The following NR2F1-AS1 variants were observed in gnomAD, a reference collection of about 807,000 sequenced individuals.
NR2F1-AS1 encodes the protein NR2F1 regulatory antisense RNA 1.
intron 4 of NR2F1-AS1, among the ~76,000 whole-genome samples, chr5:93,457,575 C>T (rs1749979505): frequency 6.6e-5 from 10 of 152,086 alleles, no homozygotes; most frequent in Admixed American, 6.5e-4. Context: ...TTCTCTTCCC[C>T]ACATTTCCCC....
At chr5:93,516,685 CCCAGATGTTCTGA>C (rs1275692562) in intron 4 of NR2F1-AS1, among the ~76,000 whole-genome samples, 2 of 151,796 alleles carry the variant, frequency 1.3e-5, no homozygotes, top group African/African-American at 4.8e-5. Context: ...AAGACCGTAA[CCCAGATGTTCTGA>C]CTCTTCATCT....
At chr5:93,578,469 A>G (rs1752945608) in intron 1 of NR2F1-AS1, among the ~76,000 whole-genome samples, 1 of 152,070 alleles carries the variant, frequency 6.6e-6, no homozygotes, top group African/African-American at 2.4e-5. Flanking sequence ...CAGAGGAAGG[A>G]AGGGAGGCTC....
chr5:93,509,663 G>A (rs1751256170), intron 4 of NR2F1-AS1, among the ~76,000 whole-genome samples: 1 of 151,784 alleles, frequency 6.6e-6, no homozygotes, highest in African/African-American at 2.4e-5. Context: ...TAAATATAAA[G>A]CAAACATGTC....
chr5:93,570,753 G>T (rs1040037933), intron 1 of NR2F1-AS1: 1 of 152,246 alleles, frequency 6.6e-6, no homozygotes, highest in Non-Finnish European at 1.5e-5. Flanking sequence ...CAGATACCGC[G>T]GCCCGGGCCC....
chr5:93,562,906 G>A (rs1383273090), intron 2 of NR2F1-AS1, among the ~76,000 whole-genome samples: 2 of 152,076 alleles, frequency 1.3e-5, no homozygotes, highest in African/African-American at 4.8e-5. Flanking sequence ...ATCAAATACA[G>A]AAAAATCTTA....
intron 4 of NR2F1-AS1, among the ~76,000 whole-genome samples, chr5:93,552,841 T>C (rs559017673): frequency 8.5e-5 from 13 of 152,264 alleles, no homozygotes; most frequent in African/African-American, 3.1e-4. Context: ...TATATATACT[T>C]CATGATTATA....
At chr5:93,454,007 T>A (rs1379124303) in intron 4 of NR2F1-AS1, among the ~76,000 whole-genome samples, 1 of 152,216 alleles carries the variant, frequency 6.6e-6, no homozygotes, top group Non-Finnish European at 1.5e-5. Flanking sequence ...CTGGGTGCAG[T>A]GGCTCATGCC....
At chr5:93,454,937 C>A (rs1269663853) in intron 4 of NR2F1-AS1, among the ~76,000 whole-genome samples, 1 of 152,176 alleles carries the variant, frequency 6.6e-6, no homozygotes, top group African/African-American at 2.4e-5. Flanking sequence ...TTATCTATAT[C>A]CTTTGTAATA....
At chr5:93,434,211 C>T (rs1200543909) in intron 4 of NR2F1-AS1, among the ~76,000 whole-genome samples, 2 of 152,060 alleles carry the variant, frequency 1.3e-5, no homozygotes, top group Non-Finnish European at 2.9e-5. Context: ...CAGTGATCTT[C>T]AAATTATATT....
chr5:93,575,698 C>T lies in NR2F1-AS1; in HGVS notation n.313+4769G>A, dbSNP rs192528084. ...GAAATAAGATGACTTCTGGAAAAAGCTGTCCATTGTGTTCTTAATTGTTTG... is the reference window on the plus strand; with the variant it reads ...GAAATAAGATGACTTCTGGAAAAAGTTGTCCATTGTGTTCTTAATTGTTTG... On this transcript the variant is annotated intron_variant and non_coding_transcript_variant, in intron 1 of 5. Coordinates refer to ENST00000660523, the Ensembl canonical transcript of NR2F1-AS1. Among the ~76,000 whole-genome samples the T allele has an allele frequency of 1.1e-3, 161 of 152,212 alleles. 2 individuals carry two copies. Among genetic ancestry groups the T allele is most frequent in the African/African-American group, 3.8e-3 (157 of 41,534 alleles).
At chr5:93,425,556 TCAAC>T (rs1749178505) in intron 4 of NR2F1-AS1, among the ~76,000 whole-genome samples, 2 of 152,154 alleles carry the variant, frequency 1.3e-5, no homozygotes, top group Admixed American at 1.3e-4. Flanking sequence ...GTTTTTACAA[TCAAC>T]CAACTCTTAC....
rs181224134 is a variant in NR2F1-AS1, at chr5:93,435,137, T to A, written n.639-39595A>T. Among the ~76,000 whole-genome samples the A allele has an allele frequency of 2.8e-3, 420 of 152,320 alleles. 1 individual carries two copies. Among genetic ancestry groups the A allele is most frequent in the Non-Finnish European group, 2.7e-3 (182 of 68,006 alleles). ...ACTGGTTTAGCATCCACTGATAATT[T>A]GTTTAATTGCTATAGTGGTTGCAAA... On this transcript the variant is annotated intron_variant and non_coding_transcript_variant, in intron 4 of 5. Coordinates refer to ENST00000660523, the Ensembl canonical transcript of NR2F1-AS1.
At chr5:93,559,051 T>C (rs937344518) in intron 2 of NR2F1-AS1, among the ~76,000 whole-genome samples, 2 of 152,232 alleles carry the variant, frequency 1.3e-5, no homozygotes, top group Non-Finnish European at 2.9e-5. Flanking sequence ...AAATCAGGCA[T>C]TGGACTTCTC....
chr5:93,474,462 C>T (rs1229852556), intron 4 of NR2F1-AS1, among the ~76,000 whole-genome samples: 2 of 152,138 alleles, frequency 1.3e-5, no homozygotes, highest in Admixed American at 1.3e-4. Context: ...ATTCAGGCTG[C>T]TATAACAGAA....
At chr5:93,581,059 A>C (rs1017019373), upstream of NR2F1-AS1, 1 of 152,354 alleles carries the variant, frequency 6.6e-6, no homozygotes, top group Non-Finnish European at 1.5e-5. Context: ...GAAGCGCAAA[A>C]CGTCCCCCAA....
intron 4 of NR2F1-AS1, among the ~76,000 whole-genome samples, chr5:93,463,094 G>T (rs557521628): frequency 6.6e-6 from 1 of 152,126 alleles, no homozygotes; most frequent in African/African-American, 2.4e-5. Context: ...AGACCTTTGC[G>T]GCAGCCCCAC....
intron 4 of NR2F1-AS1, among the ~76,000 whole-genome samples, chr5:93,421,964 T>C (rs1362096430): frequency 6.6e-6 from 1 of 152,220 alleles, no homozygotes; most frequent in Non-Finnish European, 1.5e-5. Flanking sequence ...AATCTTTCAA[T>C]TATTCTCTGT....
At chr5:93,456,682 A>C (rs1749954081) in intron 4 of NR2F1-AS1, among the ~76,000 whole-genome samples, 2 of 151,984 alleles carry the variant, frequency 1.3e-5, no homozygotes, top group South Asian at 2.1e-4. Context: ...TAATAGAGAA[A>C]GAAAAGTGGG....
intron 4 of NR2F1-AS1, among the ~76,000 whole-genome samples, chr5:93,471,553 A>T (rs555913253): frequency 1.3e-5 from 2 of 151,842 alleles, no homozygotes; most frequent in Non-Finnish European, 3.0e-5. Context: ...TATATGAAAA[A>T]TTTCTGTAGT....
Sources: gnomAD v4.1 joint callset for allele counts (sites outside exome capture counted in the v4.1 genomes callset) on GRCh38, gnomAD v4.1.1 for gene constraint, MANE v1.5 for transcripts, NCBI Gene and HGNC (gene_info 2026-07-23, HGNC 2026-07-21) for gene names.